The following ZNF169 variants were observed in gnomAD, a reference collection of about 807,000 sequenced individuals.
ZNF169 encodes zinc finger protein 169.
ZNF169 carries 11 observed loss-of-function variants against 12.0 expected under a neutral mutation model. That is an observed-to-expected ratio of 0.92 (90% CI 0.58 to 1.52). The LOEUF (loss-of-function observed/expected upper bound fraction) is 1.52. Among genes scored for constraint, ZNF169 ranks in the 40% most tolerant of loss-of-function variants. ZNF169 has a pLI of 0.00. For synonymous variants in ZNF169, 302 were observed against 286.5 expected, an observed-to-expected ratio of 1.05 and a Z score of -0.55; for missense variants, 722 against 744.0, an observed-to-expected ratio of 0.97 and a Z score of 0.34.
At chr9:94,262,512 G>A (rs1830222704) in intron 1 of ZNF169, among the ~76,000 whole-genome samples, 1 of 152,076 alleles carries the variant, frequency 6.6e-6, no homozygotes, top group Admixed American at 6.5e-5. Context: ...AGGCTGGAGT[G>A]CAGTGGTGCG....
At position 94,278,582 on chromosome 9, in the gene ZNF169, C is replaced by T. The variant is rs375317213; in HGVS notation, c.-55-176C>T. ...TTTGGATGTAAGCCTGTTGCTGGCCCAGCTCTGTGGGCTTTTTTTATGAGA... is the reference window on the plus strand; with the variant it reads ...TTTGGATGTAAGCCTGTTGCTGGCCTAGCTCTGTGGGCTTTTTTTATGAGA... On this transcript the variant is annotated intron_variant, in intron 1 of 4. Transcript: ENST00000395395. Among the ~76,000 whole-genome samples the T allele has an allele frequency of 3.3e-4, 50 of 152,202 alleles. 1 individual carries two copies. Among genetic ancestry groups the T allele is most frequent in the African/African-American group, 1.0e-3 (43 of 41,444 alleles).
chr9:94,288,137 G>C (rs1346102985), intron 2 of ZNF169: 1 of 821,560 alleles, frequency 1.2e-6, no homozygotes, highest in Non-Finnish European at 2.2e-6. Flanking sequence ...GAGCACCCTG[G>C]AATGAGGGCC....
intron 2 of ZNF169, among the ~76,000 whole-genome samples, chr9:94,281,317 G>A (rs117184537): frequency 0.025 from 3,842 of 152,244 alleles, 60 homozygotes; most frequent in Non-Finnish European, 0.038. Flanking sequence ...TGACCTTTAT[G>A]CAACATGACA....
intron 1 of ZNF169, among the ~76,000 whole-genome samples, chr9:94,263,438 T>C (rs1830238829): frequency 6.6e-6 from 1 of 152,180 alleles, no homozygotes; most frequent in Non-Finnish European, 1.5e-5. Context: ...TGTTATCTCT[T>C]TTCTCATTCA....
chr9:94,300,155 A>C lies in ZNF169; in HGVS notation c.597A>C (p.Thr199=). 1 of 1,614,144 alleles carries C rather than the reference A, an allele frequency of 6.2e-7. No individual in the cohort carries two copies. The highest frequency in any genetic ancestry group is 1.3e-5 in the African/African-American group (1 of 75,044). Reference sequence around the variant, plus strand: ...GGATGAGTCTTGGGGGGTCAGACACAATGTTGAAGGGAGCAGACACTTCAG... The same window carrying C: ...GGATGAGTCTTGGGGGGTCAGACACCATGTTGAAGGGAGCAGACACTTCAG... The part of the protein sequence containing the change: ...AQRMSLGGSD[T]MLKGADTSES... The change falls in exon 5 of 5, where the codon ACA becomes ACC. Residue 199 remains threonine, a synonymous_variant. Transcript: ENST00000395395.
At chr9:94,265,028 T>TTG (rs1554712994) in intron 1 of ZNF169, among the ~76,000 whole-genome samples, 19 of 148,322 alleles carry the variant, frequency 1.3e-4, no homozygotes, top group East Asian at 2.0e-4. Flanking sequence ...CCTGTTTTTT[T>TTG]TTTTTTTTTT....
At chr9:94,261,678 G>A (rs899037947) in intron 1 of ZNF169, among the ~76,000 whole-genome samples, 31 of 152,266 alleles carry the variant, frequency 2.0e-4, no homozygotes, top group African/African-American at 7.0e-4. Flanking sequence ...TCAAATCCAG[G>A]TCTCTCCCTT....
chr9:94,293,210 G>T (rs889489797), intron 4 of ZNF169, 141 bp downstream of exon 4: 1 of 753,802 alleles, frequency 1.3e-6, no homozygotes, highest in Admixed American at 2.1e-5. Flanking sequence ...GCATGGCACT[G>T]CCTGCCTTCC....
intron 1 of ZNF169, among the ~76,000 whole-genome samples, chr9:94,275,036 C>G (rs1417767495): frequency 6.6e-6 from 1 of 152,070 alleles, no homozygotes; most frequent in Non-Finnish European, 1.5e-5. Context: ...GCCAGAAGTT[C>G]TAGACCAGCC....
intron 1 of ZNF169, among the ~76,000 whole-genome samples, chr9:94,267,009 C>T (rs1185093180): frequency 5.3e-5 from 8 of 151,610 alleles, no homozygotes; most frequent in East Asian, 2.0e-4. Flanking sequence ...CCTGGGTTCA[C>T]GCCATTCTCC....
At chr9:94,296,898 C>T (rs748454149) in intron 4 of ZNF169, 78 of 444,052 alleles carry the variant, frequency 1.8e-4, no homozygotes, top group Non-Finnish European at 3.0e-4. Context: ...ACAAAAAAAA[C>T]TAGCCGAGTG....
At chr9:94,296,897 A>G (rs1029811475) in intron 4 of ZNF169, 2 of 446,878 alleles carry the variant, frequency 4.5e-6, no homozygotes, top group Non-Finnish European at 4.5e-6. Context: ...TACAAAAAAA[A>G]CTAGCCGAGT....
At chr9:94,279,721 T>A (rs1319340121) in intron 2 of ZNF169, among the ~76,000 whole-genome samples, 8 of 152,138 alleles carry the variant, frequency 5.3e-5, no homozygotes, top group African/African-American at 1.9e-4. Flanking sequence ...TCCCTCACCG[T>A]GTGGGAAGCT....
chr9:94,288,192 T>C, intron 2 of ZNF169: 1 of 806,200 alleles, frequency 1.2e-6, no homozygotes, highest in Non-Finnish European at 2.2e-6. Context: ...AATGTGCTCC[T>C]ACTTGTACCC....
rs1226492801 is a variant in ZNF169 at position 94,301,234 on chromosome 9, G to A, written c.1676G>A (p.Arg559Gln). The A allele has an allele frequency of 9.3e-6, 15 of 1,613,812 alleles. No homozygotes were observed. The highest frequency in any genetic ancestry group is 4.0e-5 in the African/African-American group (3 of 74,860). The part of the protein sequence containing the change: ...RGFGFKSALI[R>Q]HQRTHSGEKP... ...TTTGGCTTTAAGTCTGCCCTCATCC[G>A]ACATCAGCGGACCCATTCTGGGGAG... The change falls in exon 5 of 5, where the codon CGA becomes CAA. Residue 559 changes from arginine (R) to glutamine (Q), a missense_variant. Arg to Gln is a conservative substitution (Grantham distance 43). Transcript: ENST00000395395.
intron 1 of ZNF169, among the ~76,000 whole-genome samples, chr9:94,274,865 G>A (rs546325940): frequency 5.9e-5 from 9 of 152,310 alleles, no homozygotes; most frequent in East Asian, 1.9e-4. Flanking sequence ...CTTCAAGATC[G>A]TGTGGCTGGC....
At chr9:94,288,468 C>G in intron 2 of ZNF169, 1 of 945,118 alleles carries the variant, frequency 1.1e-6, no homozygotes, top group Non-Finnish European at 1.7e-6. Context: ...TCAAATCAAG[C>G]TTTATTAAGC....
chr9:94,287,356 A>C (rs10993141), intron 2 of ZNF169, among the ~76,000 whole-genome samples: 11,518 of 151,364 alleles, frequency 0.076, 605 homozygotes, highest in Middle Eastern at 0.13. Flanking sequence ...ATACTGCAAA[A>C]TTGTTTGTTT....
intron 4 of ZNF169, among the ~76,000 whole-genome samples, chr9:94,298,856 T>A (rs1831001503): frequency 6.6e-6 from 1 of 152,158 alleles, no homozygotes. Flanking sequence ...ATTAGTGTTA[T>A]CTCCAATTGG....
Sources: allele counts gnomAD v4.1 joint callset (sites outside exome capture counted in the v4.1 genomes callset), GRCh38; gene constraint gnomAD v4.1.1; transcripts MANE v1.5; gene names NCBI Gene and HGNC (gene_info 2026-07-23, HGNC 2026-07-21).